The following PAX9 variants were observed in gnomAD, a reference collection of about 807,000 sequenced individuals.
PAX9 encodes the protein paired box protein Pax-9.
Under a neutral mutation model 29.1 loss-of-function variants are expected in PAX9, and 6 were observed. The ratio of observed to expected loss-of-function variants is 0.21; its 90% confidence interval spans 0.11 to 0.41. The LOEUF (loss-of-function observed/expected upper bound fraction) is 0.41, where lower values mean the gene tolerates loss of function less well. PAX9 is among the 10% of genes least tolerant of loss of function. The pLI is 1.00. For synonymous variants in PAX9, 217 were observed against 211.7 expected (o/e 1.03, Z -0.22); for missense variants, 443 against 479.1 (o/e 0.92, Z 0.70).
chr14:36,658,494 T>TA (rs747116824), upstream of PAX9: 11 of 152,358 alleles, frequency 7.2e-5, no homozygotes, highest in Non-Finnish European at 1.6e-4. Context: ...CTCCCGTGCA[T>TA]ACGCACCCCC....
At chr14:36,675,101 A>G (rs955803480) in intron 3 of PAX9, among the ~76,000 whole-genome samples, 1 of 152,222 alleles carries the variant, frequency 6.6e-6, no homozygotes, top group Admixed American at 6.5e-5. Flanking sequence ...TTTTCCTCAT[A>G]AAATTCTAGT....
Position 36,663,151 on chromosome 14 carries a change from A to C in PAX9, c.259A>C (p.Ile87Leu). 6.2e-7 allele frequency: 1 copy of C among 1,613,988 alleles called. No homozygotes were observed. The highest frequency in any genetic ancestry group is 8.5e-7 in the Non-Finnish European group (1 of 1,180,024). ...RVTTPTVVKH[I>L]RTYKQRDPGI... ...CACTACCCCCACCGTGGTGAAACAC[A>C]TCCGGACCTACAAGCAGAGAGACCC... The change falls in exon 2 of 4, where the codon ATC becomes CTC. Residue 87 changes from isoleucine (I) to leucine (L), a missense_variant. By Grantham distance (5) the Ile-to-Leu change is conservative (BLOSUM62 2). This residue lies in a region of PAX9 where 107 missense variants were observed against 161.9 expected (regional missense o/e 0.66). Transcript: ENST00000361487.
upstream of PAX9, among the ~76,000 whole-genome samples, chr14:36,658,205 G>GC (rs1881105765): frequency 6.6e-6 from 1 of 152,034 alleles, no homozygotes; most frequent in African/African-American, 2.4e-5. Flanking sequence ...CGCGCGCAAT[G>GC]CCCCAACTGA....
chr14:36,663,150 C>T lies in PAX9; in HGVS notation c.258C>T (p.His86=). The part of the protein sequence containing the change: ...PRVTTPTVVK[H]IRTYKQRDPG... ...TCACTACCCCCACCGTGGTGAAACA[C>T]ATCCGGACCTACAAGCAGAGAGACC... Residue 86 remains histidine (H), a synonymous_variant, in exon 2 of 4, where the codon CAC becomes CAT. Transcript: ENST00000361487. 1 of 1,614,054 alleles carries T rather than the reference C, an allele frequency of 6.2e-7. No individual in the cohort carries two copies. The highest frequency in any genetic ancestry group is 2.2e-5 in the East Asian group (1 of 44,838).
intron 2 of PAX9, chr14:36,666,248 G>C (rs1881482516): frequency 3.4e-6 from 2 of 581,644 alleles, no homozygotes; most frequent in South Asian, 4.8e-5. Context: ...AGAGAATTTG[G>C]AAAGGCCTAC....
chr14:36,659,480 C>G (rs199693137), upstream of PAX9, among the ~76,000 whole-genome samples: 22 of 152,310 alleles, frequency 1.4e-4, no homozygotes, highest in East Asian at 3.5e-3. Flanking sequence ...CTCTTGCTCC[C>G]AGAGCGGGGT....
In PAX9 at chr14:36,663,544, C is replaced by T. The variant is rs973680634; in HGVS notation, c.631+21C>T. On this transcript the variant is annotated intron_variant, in intron 2 of 3. Transcript: ENST00000361487. ...CCAAGGTAGGGGCTCAGAGGCTGGGCGTGTGGATGTGCAGCGTCTGCCCCC... is the reference window on the plus strand; with the variant it reads ...CCAAGGTAGGGGCTCAGAGGCTGGGTGTGTGGATGTGCAGCGTCTGCCCCC... 5.6e-6 allele frequency: 9 copies of T among 1,612,274 alleles called. No homozygotes were observed. In the Admixed American group the frequency reaches 1.0e-4, roughly 18 times the overall value.
chr14:36,659,004 C>T (rs901959806), upstream of PAX9, among the ~76,000 whole-genome samples: 1 of 152,202 alleles, frequency 6.6e-6, no homozygotes, highest in Admixed American at 6.5e-5. Context: ...GGCCCGGCTT[C>T]CAGTCTCCCA....
chr14:36,672,115 G>T (rs116239874), intron 3 of PAX9: 2 of 152,300 alleles, frequency 1.3e-5, no homozygotes, highest in East Asian at 1.9e-4. Flanking sequence ...TTTAGGTAAA[G>T]TCATTTTCAA....
rs886050495 is a variant in PAX9, at chr14:36,677,503, T to G, written c.*1051T>G. ...AAACTTAAGTTTAATGTGAAATGTT[T>G]TGCAAAGATGCTTAAAATGAACTTT... is the stretch of plus-strand genomic sequence containing the variant. On this transcript the variant is annotated 3_prime_UTR_variant, in exon 4 of 4. Coordinates refer to ENST00000361487, the MANE Select transcript of PAX9 (RefSeq NM_001372076.1). 1 of 152,242 alleles carries G rather than the reference T, an allele frequency of 6.6e-6. No individual in the cohort carries two copies. The highest frequency in any genetic ancestry group is 1.5e-5 in the Non-Finnish European group (1 of 68,040). The allele number at this position is 152,242 out of a possible 1,614,324, so 9.4% of individuals were successfully genotyped here.
upstream of PAX9, among the ~76,000 whole-genome samples, chr14:36,660,486 A>G (rs1443858764): frequency 6.6e-6 from 1 of 152,210 alleles, no homozygotes; most frequent in Non-Finnish European, 1.5e-5. Flanking sequence ...CATCCTAACC[A>G]TAGAAGTGGG....
At chr14:36,661,581 T>A (rs1881268120), upstream of PAX9, 1 of 185,486 alleles carries the variant, frequency 5.4e-6, no homozygotes, top group African/African-American at 2.4e-5. Flanking sequence ...CTTCGAGTCA[T>A]TCACATTCAG....
rs778946289 is a variant in PAX9, at chr14:36,663,442, G to A, written c.550G>A (p.Gly184Ser). ...PTPPGVPAIP[G>S]SVAMPRTWPS... ...GCCACCCGGGGTGCCTGCCATCCCC[G>A]GTTCGGTGGCCATGCCGCGCACCTG... The change falls in exon 2 of 4, where the codon GGT (glycine) becomes AGT (serine). Residue 184 changes from glycine (G) to serine (S), a missense_variant. By Grantham distance (56) the Gly-to-Ser change is moderately conservative (BLOSUM62 0). Coordinates refer to ENST00000361487, the MANE Select transcript of PAX9 (RefSeq NM_001372076.1). 26 of 1,612,826 alleles carry A rather than the reference G, an allele frequency of 1.6e-5. No individual in the cohort carries two copies. Among genetic ancestry groups the A allele is most frequent in the South Asian group, 1.4e-4 (13 of 91,058 alleles).
chr14:36,666,125 T>G, intron 2 of PAX9: 1 of 295,992 alleles, frequency 3.4e-6, no homozygotes, highest in Non-Finnish European at 6.4e-6. Flanking sequence ...GCCTTAAGGG[T>G]TCCTTCTCCG....
At chr14:36,671,455 T>C (rs1009858235) in intron 3 of PAX9, among the ~76,000 whole-genome samples, 7 of 145,132 alleles carry the variant, frequency 4.8e-5, no homozygotes, top group Admixed American at 1.3e-4. Context: ...TCAACAGCTT[T>C]ATTCATTTTG....
At chr14:36,665,244 AAAT>A (rs1020809466) in intron 2 of PAX9, among the ~76,000 whole-genome samples, 2 of 151,968 alleles carry the variant, frequency 1.3e-5, no homozygotes, top group African/African-American at 4.8e-5. Context: ...CCATCAGAGC[AAAT>A]GTCAGTTGGG....
chr14:36,675,713 C>T (rs1194298889), intron 3 of PAX9, among the ~76,000 whole-genome samples: 2 of 152,174 alleles, frequency 1.3e-5, no homozygotes, highest in African/African-American at 2.4e-5. Context: ...GTTTGTTGTG[C>T]GTTTCTAACA....
rs906720677 is a variant in PAX9 at position 36,679,114 on chromosome 14, T to C, written c.*2662T>C. The C allele has an allele frequency of 1.4e-5, 14 of 985,306 alleles. No homozygotes were observed. The highest frequency in any genetic ancestry group is 1.1e-4 in the East Asian group (1 of 8,822). 61.0% of individuals were successfully genotyped at this position (985,306 alleles called of 1,614,324 possible). A position where few individuals can be genotyped will look rare whatever the true frequency, so the allele number is the denominator to read the frequency against. On this transcript the variant is annotated 3_prime_UTR_variant, in exon 4 of 4. Coordinates refer to ENST00000361487, the MANE Select transcript of PAX9 (RefSeq NM_001372076.1). Reference sequence around the variant, plus strand: ...GACCTCTATGCAGGCAGCGCTCTCATTGGATGTAAGAATATTACCTGCAAG... The same window carrying C: ...GACCTCTATGCAGGCAGCGCTCTCACTGGATGTAAGAATATTACCTGCAAG...
Position 36,677,852 on chromosome 14 carries a change from TGTG to T in PAX9, c.*1402_*1404del, listed in dbSNP as rs1881973564. ...TTTTCACTTTAATGTTAATAACAGT[TGTG>T]GAGTATATGTGTGTGTGAGCATGTG... On this transcript the variant is annotated 3_prime_UTR_variant, in exon 4 of 4. Transcript: ENST00000361487. 1 of 152,250 alleles carries T rather than the reference TGTG, an allele frequency of 6.6e-6. No homozygotes were observed. The highest frequency in any genetic ancestry group is 1.5e-5 in the Non-Finnish European group (1 of 68,064). 9.4% of individuals were successfully genotyped at this position (152,250 alleles called of 1,614,324 possible).
Sources: gnomAD v4.1 joint callset for allele counts (sites outside exome capture counted in the v4.1 genomes callset) on GRCh38, gnomAD v4.1.1 for gene constraint, gnomAD v4.1.1 regional missense constraint, MANE v1.5 for transcripts, NCBI Gene and HGNC (gene_info 2026-07-23, HGNC 2026-07-21) for gene names.